The following LRRTM4 variants were observed in gnomAD, a reference collection of about 807,000 sequenced individuals.
LRRTM4 encodes the protein leucine rich repeat transmembrane neuronal 4.
Under a neutral mutation model 47.6 loss-of-function variants are expected in LRRTM4, and 25 were observed. The observed-to-expected ratio is 0.53, with a 90% confidence interval of 0.38 to 0.73. The LOEUF is 0.73. LRRTM4 is among the 30% of genes least tolerant of loss of function. LRRTM4 has a pLI of 0.00. For synonymous variants in LRRTM4, 311 were observed against 269.5 expected (o/e 1.15, Z -1.51); for missense variants, 638 against 713.4 (o/e 0.89, Z 1.20).
At chr2:76,825,610 G>T (rs942994871) in intron 3 of LRRTM4, among the ~76,000 whole-genome samples, 8 of 151,724 alleles carry the variant, frequency 5.3e-5, no homozygotes, top group African/African-American at 1.9e-4. Flanking sequence ...TAAGATGATG[G>T]ATAGACAGCT....
chr2:77,444,466 C>T (rs145676455), intron 3 of LRRTM4, among the ~76,000 whole-genome samples: 6 of 152,098 alleles, frequency 3.9e-5, no homozygotes, highest in Admixed American at 1.3e-4. Context: ...GAAGGACACA[C>T]GACAGGCTGA....
chr2:76,945,415 T>C lies in LRRTM4; in HGVS notation c.1552-196499A>G, dbSNP rs1675289796. On this transcript the variant is annotated intron_variant, in intron 3 of 3. Transcript: ENST00000409884. Reference sequence around the variant, plus strand: ...TATTTTAGCAGATTGAAAATGGCCCTATAAGGCATGGGGCAATATTGGTGA... The same window carrying C: ...TATTTTAGCAGATTGAAAATGGCCCCATAAGGCATGGGGCAATATTGGTGA... 2.0e-5 allele frequency among the ~76,000 whole-genome samples: 3 copies of C among 152,020 alleles called. No individual in the cohort carries two copies. In the South Asian group the frequency reaches 6.2e-4, roughly 31 times the overall value.
chr2:77,353,775 T>C (rs1671870033), intron 3 of LRRTM4, among the ~76,000 whole-genome samples: 1 of 152,144 alleles, frequency 6.6e-6, no homozygotes, highest in Non-Finnish European at 1.5e-5. Context: ...CATTGAATAA[T>C]GTACCCCCAA....
At chr2:77,004,792 G>A (rs1038361974) in intron 3 of LRRTM4, among the ~76,000 whole-genome samples, 6 of 152,160 alleles carry the variant, frequency 3.9e-5, no homozygotes, top group South Asian at 2.1e-4. Context: ...GCACAGGAGC[G>A]AAGCTGCCCA....
intron 3 of LRRTM4, among the ~76,000 whole-genome samples, chr2:77,174,694 G>T (rs1355590170): frequency 1.3e-5 from 2 of 151,970 alleles, no homozygotes; most frequent in Non-Finnish European, 2.9e-5. Context: ...TGTGCACAAC[G>T]TGCAGGTTTG....
At chr2:77,014,509 T>C (rs1046194710) in intron 3 of LRRTM4, among the ~76,000 whole-genome samples, 3 of 150,448 alleles carry the variant, frequency 2.0e-5, no homozygotes, top group African/African-American at 7.3e-5. Flanking sequence ...CTTTCATATA[T>C]ATATATATAA....
intron 3 of LRRTM4, among the ~76,000 whole-genome samples, chr2:76,864,222 G>C (rs757422480): frequency 1.4e-4 from 22 of 152,172 alleles, no homozygotes; most frequent in Non-Finnish European, 2.8e-4. Context: ...AGATCAAAAG[G>C]TAGGACATGG....
intron 3 of LRRTM4, among the ~76,000 whole-genome samples, chr2:77,337,474 T>C (rs1332233021): frequency 1.3e-5 from 2 of 152,216 alleles, no homozygotes; most frequent in African/African-American, 4.8e-5. Flanking sequence ...TCTCCACATG[T>C]TGAGGAAGGG....
At chr2:77,092,882 T>C (rs569608463) in intron 3 of LRRTM4, among the ~76,000 whole-genome samples, 2,984 of 146,004 alleles carry the variant, frequency 0.02, 333 homozygotes, top group African/African-American at 0.077. Context: ...TCAAGAAAAG[T>C]AGAATGGACT....
intron 3 of LRRTM4, among the ~76,000 whole-genome samples, chr2:77,034,967 G>C (rs1264501322): frequency 6.6e-6 from 1 of 151,708 alleles, no homozygotes; most frequent in Admixed American, 6.6e-5. Context: ...TTATTTACTA[G>C]TTCTCAAGAA....
At chr2:77,088,762 C>T (rs1016410131) in intron 3 of LRRTM4, among the ~76,000 whole-genome samples, 1 of 152,162 alleles carries the variant, frequency 6.6e-6, no homozygotes, top group Non-Finnish European at 1.5e-5. Context: ...GAAAGATCCA[C>T]CTACGACCTC....
At chr2:76,964,999 G>GATC (rs3057953) in intron 3 of LRRTM4, among the ~76,000 whole-genome samples, 87,175 of 150,306 alleles carry the variant, frequency 0.58, 27,743 homozygotes, top group African/African-American at 0.84. Context: ...AAGAAAAATA[G>GATC]ATCTGATTAA....
rs1008191855 is a variant in LRRTM4, at chr2:77,510,422, T to C, written c.1551+7896A>G. The stretch of plus-strand genomic sequence containing the variant: ...GTTTGTCTCAATAAAATCATCACAA[T>C]TTCAAGGCTTTGCCTAATGACATTT... On this transcript the variant is annotated intron_variant, in intron 3 of 3. Coordinates refer to ENST00000409884, the MANE Select transcript of LRRTM4 (RefSeq NM_001134745.3). Among the ~76,000 whole-genome samples, 2 of 152,094 alleles carry C rather than the reference T, an allele frequency of 1.3e-5. 1 individual carries two copies. The highest frequency in any genetic ancestry group is 1.3e-4 in the Admixed American group (2 of 15,264).
Position 76,966,522 on chromosome 2 carries a change from ATAAC to A in LRRTM4, c.1552-217610_1552-217607del, listed in dbSNP as rs1380992942. ...CATAAGGCTCTTTCACTTCTAAAAA[ATAAC>A]TACGCAAGCAAACAAACACAAGCAA... On this transcript the variant is annotated intron_variant, in intron 3 of 3. Coordinates refer to ENST00000409884, the MANE Select transcript of LRRTM4 (RefSeq NM_001134745.3). Among the ~76,000 whole-genome samples the A allele has an allele frequency of 2.6e-5, 4 of 151,558 alleles. No homozygotes were observed. In the East Asian group the frequency reaches 7.8e-4, roughly 30 times the overall value.
intron 3 of LRRTM4, among the ~76,000 whole-genome samples, chr2:77,226,900 G>T (rs1674829631): frequency 6.6e-6 from 1 of 152,086 alleles, no homozygotes; most frequent in African/African-American, 2.4e-5. Context: ...GTACCTCTAA[G>T]ATCTGAACTG....
chr2:76,859,922 G>T (rs985919033), intron 3 of LRRTM4, among the ~76,000 whole-genome samples: 7 of 152,156 alleles, frequency 4.6e-5, no homozygotes, highest in African/African-American at 1.7e-4. Context: ...AAGTTGTTTA[G>T]TTTTAACTAA....
chr2:77,423,015 T>C (rs1025424867), intron 3 of LRRTM4, among the ~76,000 whole-genome samples: 18 of 152,122 alleles, frequency 1.2e-4, no homozygotes, highest in Admixed American at 5.9e-4. Flanking sequence ...ACCTTAGGAT[T>C]ACTTGCTTTA....
chr2:77,123,102 T>G (rs1671561007), intron 3 of LRRTM4, among the ~76,000 whole-genome samples: 1 of 151,800 alleles, frequency 6.6e-6, no homozygotes, highest in Non-Finnish European at 1.5e-5. Flanking sequence ...CTAAATTAAT[T>G]TCCATAGTGG....
At chr2:77,258,158 T>C (rs568344005) in intron 3 of LRRTM4, among the ~76,000 whole-genome samples, 1 of 150,196 alleles carries the variant, frequency 6.7e-6, no homozygotes, top group Non-Finnish European at 1.5e-5. Context: ...CCACCACACA[T>C]CTAGTAAAAT....
Sources: gnomAD v4.1 joint callset for allele counts (sites outside exome capture counted in the v4.1 genomes callset) on GRCh38, gnomAD v4.1.1 for gene constraint, MANE v1.5 for transcripts, NCBI Gene and HGNC (gene_info 2026-07-23, HGNC 2026-07-21) for gene names.